The following PTPRO variants were observed in gnomAD, a reference collection of about 807,000 sequenced individuals.
PTPRO encodes receptor-type tyrosine-protein phosphatase O.
Under a neutral mutation model 145.2 loss-of-function variants are expected in PTPRO, and 62 were observed. That is an observed-to-expected ratio of 0.43 (90% CI 0.35 to 0.53). The LOEUF is 0.53. Among genes scored for constraint, PTPRO ranks in the 20% least tolerant of loss-of-function variants. The pLI is 0.01. For synonymous variants in PTPRO, 565 were observed against 514.7 expected, an observed-to-expected ratio of 1.10 and a Z score of -1.32; for missense variants, 1,345 against 1,482.7, an observed-to-expected ratio of 0.91 and a Z score of 1.53.
chr12:15,429,517 A>T (rs1339348641), intron 1 of PTPRO, among the ~76,000 whole-genome samples: 1 of 152,176 alleles, frequency 6.6e-6, no homozygotes, highest in African/African-American at 2.4e-5. Context: ...AAGGCAGCAT[A>T]TGCACAAATG....
At chr12:15,373,999 T>A (rs1003099371) in intron 1 of PTPRO, among the ~76,000 whole-genome samples, 6 of 152,168 alleles carry the variant, frequency 3.9e-5, no homozygotes, top group African/African-American at 1.2e-4. Flanking sequence ...ACCTCAAAAA[T>A]TCAAAGAACA....
intron 2 of PTPRO, among the ~76,000 whole-genome samples, chr12:15,489,872 T>G (rs1941964351): frequency 6.6e-6 from 1 of 152,000 alleles, no homozygotes; most frequent in African/African-American, 2.4e-5. Flanking sequence ...AAAGGAAAAT[T>G]TGCCACAAGA....
At chr12:15,469,768 C>CAAA (rs3085503) in intron 1 of PTPRO, among the ~76,000 whole-genome samples, 18,273 of 109,940 alleles carry the variant, frequency 0.17, 1,846 homozygotes, top group South Asian at 0.24. Context: ...AGTGTCCTGA[C>CAAA]AAAAAAAAAA....
chr12:15,544,149 G>C (rs1245096915), intron 12 of PTPRO, among the ~76,000 whole-genome samples: 1 of 152,142 alleles, frequency 6.6e-6, no homozygotes, highest in Admixed American at 6.5e-5. Context: ...CAGCAAGTTT[G>C]TGATGATCAA....
At chr12:15,544,231 C>T (rs150665838) in intron 12 of PTPRO, among the ~76,000 whole-genome samples, 41 of 152,186 alleles carry the variant, frequency 2.7e-4, no homozygotes, top group African/African-American at 9.6e-4. Context: ...GGGGTGGTGG[C>T]TCATGCCTAT....
At chr12:15,467,038 T>C (rs1027238327) in intron 1 of PTPRO, among the ~76,000 whole-genome samples, 2 of 152,176 alleles carry the variant, frequency 1.3e-5, no homozygotes, top group Non-Finnish European at 2.9e-5. Flanking sequence ...GCTCGACTGC[T>C]AATCTGAAAA....
intron 12 of PTPRO, among the ~76,000 whole-genome samples, chr12:15,543,451 C>T (rs963568242): frequency 1.3e-5 from 2 of 152,102 alleles, no homozygotes; most frequent in Non-Finnish European, 2.9e-5. Flanking sequence ...TTGACTTTGC[C>T]CCTGAAATTG....
At position 15,483,955 on chromosome 12, in the gene PTPRO, A is replaced by G. The variant is rs1027687503; in HGVS notation, c.76-19A>G. The G allele has an allele frequency of 1.9e-6, 3 of 1,610,334 alleles. No homozygotes were observed. Among genetic ancestry groups the G allele is most frequent in the Non-Finnish European group, 2.5e-6 (3 of 1,177,132 alleles). On this transcript the variant is annotated intron_variant, in intron 1 of 26. Coordinates refer to ENST00000281171, the MANE Select transcript of PTPRO (RefSeq NM_030667.3). The stretch of plus-strand genomic sequence containing the variant: ...CTGAATATAACCTCCATCTCTTTTT[A>G]TTCTGTTTCATTCAACAGAATGCTA...
intron 25 of PTPRO, 56 bp downstream of exon 25, chr12:15,589,646 A>G (rs1944505617): frequency 2.5e-6 from 4 of 1,590,668 alleles, no homozygotes; most frequent in East Asian, 2.2e-5. Flanking sequence ...AAAACTTACC[A>G]TTATTCAATG....
intron 1 of PTPRO, among the ~76,000 whole-genome samples, chr12:15,419,794 T>C (rs772810451): frequency 6.6e-6 from 1 of 151,536 alleles, no homozygotes; most frequent in Non-Finnish European, 1.5e-5. Flanking sequence ...TTGTCGAGAT[T>C]ACTAGATGTA....
chr12:15,573,549 T>C (rs769763279), intron 19 of PTPRO, among the ~76,000 whole-genome samples: 12 of 152,240 alleles, frequency 7.9e-5, no homozygotes, highest in Non-Finnish European at 4.4e-5. Context: ...TTATTGGTCA[T>C]ATATGTAATT....
chr12:15,352,906 T>A (rs545763612), intron 1 of PTPRO, among the ~76,000 whole-genome samples: 7 of 152,238 alleles, frequency 4.6e-5, no homozygotes, highest in African/African-American at 1.7e-4. Context: ...TCCCATCAAT[T>A]ACCCAGAAAA....
intron 1 of PTPRO, among the ~76,000 whole-genome samples, chr12:15,474,258 C>T (rs955678869): frequency 1.3e-4 from 20 of 152,158 alleles, no homozygotes; most frequent in African/African-American, 4.3e-4. Flanking sequence ...ATCTCTGACC[C>T]GTTTTTGTCC....
At chr12:15,373,707 A>G (rs939027022) in intron 1 of PTPRO, among the ~76,000 whole-genome samples, 1 of 152,216 alleles carries the variant, frequency 6.6e-6, no homozygotes, top group Non-Finnish European at 1.5e-5. Flanking sequence ...GAAATTGACA[A>G]TGAACACTCA....
chr12:15,478,957 C>T (rs550530460), intron 1 of PTPRO, among the ~76,000 whole-genome samples: 13 of 152,294 alleles, frequency 8.5e-5, no homozygotes, highest in Admixed American at 2.6e-4. Flanking sequence ...AGGCGTGAGC[C>T]ACCAGGCCCG....
chr12:15,441,433 A>T (rs1178824525), intron 1 of PTPRO, among the ~76,000 whole-genome samples: 1 of 152,198 alleles, frequency 6.6e-6, no homozygotes, highest in African/African-American at 2.4e-5. Context: ...ATCTAATATC[A>T]CATCTAGAGG....
At chr12:15,507,473 T>C (rs779322503) in intron 6 of PTPRO, among the ~76,000 whole-genome samples, 20 of 151,552 alleles carry the variant, frequency 1.3e-4, no homozygotes, top group Non-Finnish European at 2.5e-4. Flanking sequence ...ACGTAACACA[T>C]AAAAACTTAA....
chr12:15,364,546 C>T lies in PTPRO; in HGVS notation c.75+41745C>T, dbSNP rs76848600. On this transcript the variant is annotated intron_variant, in intron 1 of 26. Transcript: ENST00000281171. ...CCTATATCATGACAGGTCAGAGCAG[C>T]GCTGTGACAAGCAGCCTCTGTATTA... Among the ~76,000 whole-genome samples, 770 of 152,234 alleles carry T rather than the reference C, an allele frequency of 5.1e-3. 10 individuals are homozygous for T. Among genetic ancestry groups the T allele is most frequent in the African/African-American group, 0.017 (726 of 41,538 alleles).
At chr12:15,432,164 C>G (rs956404576) in intron 1 of PTPRO, among the ~76,000 whole-genome samples, 2 of 152,136 alleles carry the variant, frequency 1.3e-5, no homozygotes, top group African/African-American at 4.8e-5. Context: ...ACCCACCACC[C>G]TGATGTAGGG....
Sources: gnomAD v4.1 joint callset for allele counts (sites outside exome capture counted in the v4.1 genomes callset) on GRCh38, gnomAD v4.1.1 for gene constraint, MANE v1.5 for transcripts, NCBI Gene and HGNC (gene_info 2026-07-23, HGNC 2026-07-21) for gene names.